Variants in SLC25A33 observed in about 807,000 individuals in gnomAD.
The protein encoded by SLC25A33 is solute carrier family 25 member 33.
SLC25A33 carries 15 observed loss-of-function variants against 35.5 expected under a neutral mutation model. That is an observed-to-expected ratio of 0.42 (90% confidence interval 0.28 to 0.65). The LOEUF (loss-of-function observed/expected upper bound fraction) is 0.65, where lower values mean the gene tolerates loss of function less well. Ranked by LOEUF, SLC25A33 falls within the 30% of genes least tolerant of loss-of-function variation. The probability of loss-of-function intolerance (pLI) is 0.20; values close to 1 mark genes in which losing one functional copy is unlikely to be tolerated. For synonymous variants in SLC25A33, 136 were observed against 148.7 expected (o/e 0.91, Z 0.62); for missense variants, 257 against 398.5 (o/e 0.64, Z 3.02).
chr1:9,578,015 C>T lies in SLC25A33; in HGVS notation c.483-1939C>T, dbSNP rs1019809269. ...TCAGCTCACTGCGAGCTCCGCCTCCCGGGTGCACGCCATTCTCCTGCCTCA... is the reference window on the plus strand; with the variant it reads ...TCAGCTCACTGCGAGCTCCGCCTCCTGGGTGCACGCCATTCTCCTGCCTCA... On this transcript the variant is annotated intron_variant, in intron 5 of 6. Transcript: ENST00000302692. This position sits in a 1 kb window ranked among gnomAD's most constrained non-coding sequence, Gnocchi z 4.3. Among the ~76,000 whole-genome samples, 8 of 152,136 alleles carry T rather than the reference C, an allele frequency of 5.3e-5. No homozygotes were observed. Among genetic ancestry groups the T allele is most frequent in the East Asian group, 3.9e-4 (2 of 5,188 alleles).
chr1:9,546,300 T>G (rs2100369209), intron 1 of SLC25A33, among the ~76,000 whole-genome samples: 1 of 151,040 alleles, frequency 6.6e-6, no homozygotes, highest in East Asian at 2.0e-4. Context: ...TTCTCCTGCT[T>G]CAGCCTCCTG....
chr1:9,580,113 G>A lies in SLC25A33; in HGVS notation c.642G>A (p.Leu214=). Residue 214 remains leucine, a synonymous_variant, in exon 6 of 7, where the codon CTG becomes CTA. Coordinates refer to ENST00000302692, the MANE Select transcript of SLC25A33 (RefSeq NM_032315.3). ...FAIYESLKKY[L]KEAPLASSAN... is the part of the protein sequence containing the mutation. ...TTTATGAAAGTTTAAAGAAGTATCT[G>A]AAAGAAGCTCCATTAGCCTCTTCTG... 2 of 1,612,154 alleles carry A rather than the reference G, an allele frequency of 1.2e-6. No individual in the cohort carries two copies. Among genetic ancestry groups the A allele is most frequent in the South Asian group, 1.1e-5 (1 of 90,954 alleles).
chr1:9,574,118 CTTTTT>C (rs57215050), intron 5 of SLC25A33, among the ~76,000 whole-genome samples: 4 of 134,364 alleles, frequency 3.0e-5, no homozygotes, highest in African/African-American at 1.1e-4. Context: ...CTTTTCTTTT[CTTTTT>C]TTTTTTTTTT....
At chr1:9,547,189 C>G (rs1329341183) in intron 1 of SLC25A33, among the ~76,000 whole-genome samples, 1 of 152,164 alleles carries the variant, frequency 6.6e-6, no homozygotes, top group African/African-American at 2.4e-5. Flanking sequence ...CGCAGTGGCT[C>G]ATGCCTGTAA....
intron 6 of SLC25A33, among the ~76,000 whole-genome samples, chr1:9,580,946 A>ATT (rs937126340): frequency 6.6e-6 from 1 of 151,468 alleles, no homozygotes; most frequent in Admixed American, 6.6e-5. Context: ...GGGTAAGTTT[A>ATT]TTTTTTTGAG....
chr1:9,543,485 G>A (rs1417567886), intron 1 of SLC25A33, among the ~76,000 whole-genome samples: 1 of 152,094 alleles, frequency 6.6e-6, no homozygotes, highest in Non-Finnish European at 1.5e-5. Context: ...TCATCAAGAA[G>A]AACACAGAAG....
At position 9,576,983 on chromosome 1, in the gene SLC25A33, T is replaced by A. The variant is rs879287123; in HGVS notation, c.483-2971T>A. ...AGGAACTGTTCAGCAGGCTGATGAA[T>A]AAGATCTAAGAGTTGTCCCGCTACA... is the stretch of plus-strand genomic sequence containing the variant. On this transcript the variant is annotated intron_variant, in intron 5 of 6. Coordinates refer to ENST00000302692, the MANE Select transcript of SLC25A33 (RefSeq NM_032315.3). 6 of 1,201,928 alleles carry A rather than the reference T, an allele frequency of 5.0e-6. No homozygotes were observed. In the Admixed American group the frequency reaches 8.7e-5, roughly 17 times the overall value. 74.5% of individuals were successfully genotyped at this position (1,201,928 alleles called of 1,614,324 possible).
intron 3 of SLC25A33, 72 bp downstream of exon 3, chr1:9,567,433 G>C: frequency 1.5e-6 from 2 of 1,348,992 alleles, no homozygotes; most frequent in Non-Finnish European, 2.1e-6. Flanking sequence ...ACCAAAGGGT[G>C]ATGCTGCTGA....
In SLC25A33 at chr1:9,543,082, T is replaced by A. The variant is rs568418220; in HGVS notation, c.56+3335T>A. Among the ~76,000 whole-genome samples, 8 of 152,248 alleles carry A rather than the reference T, an allele frequency of 5.3e-5. No homozygotes were observed. The East Asian group carries it at 1.5e-3, about 29-fold the overall frequency. On this transcript the variant is annotated intron_variant, in intron 1 of 6. Coordinates refer to ENST00000302692, the MANE Select transcript of SLC25A33 (RefSeq NM_032315.3). ...ATCCACCTGCCTTGGCCTCCCAAAG[T>A]GCTAGGATTATACAGGTGTGAGCCA...
intron 1 of SLC25A33, among the ~76,000 whole-genome samples, chr1:9,544,338 G>A (rs977410133): frequency 1.3e-5 from 2 of 148,210 alleles, no homozygotes; most frequent in African/African-American, 5.0e-5. Flanking sequence ...GTGACATCTC[G>A]GCTCGCTGCA....
intron 1 of SLC25A33, among the ~76,000 whole-genome samples, chr1:9,540,017 A>G (rs917161773): frequency 1.3e-5 from 2 of 151,842 alleles, no homozygotes; most frequent in African/African-American, 4.8e-5. Context: ...GCTTTTCCCC[A>G]TTCTGAAGAG....
chr1:9,558,137 T>C (rs1323448157), intron 2 of SLC25A33, among the ~76,000 whole-genome samples: 2 of 152,220 alleles, frequency 1.3e-5, no homozygotes, highest in Non-Finnish European at 2.9e-5. Context: ...CCCAAAGTCA[T>C]GTTCAATGTA....
intron 2 of SLC25A33, among the ~76,000 whole-genome samples, chr1:9,556,671 GTGTC>G (rs1643347056): frequency 6.6e-6 from 1 of 151,340 alleles, no homozygotes; most frequent in African/African-American, 2.4e-5. Flanking sequence ...GATTGTGTGT[GTGTC>G]TGTGTCTGTG....
rs561209324 is a variant in SLC25A33, at chr1:9,554,565, G to T, written c.236+760G>T. Among the ~76,000 whole-genome samples, 21 of 151,846 alleles carry T rather than the reference G, an allele frequency of 1.4e-4. No homozygotes were observed. The South Asian group carries it at 4.4e-3, about 32-fold the overall frequency. Reference sequence around the variant, plus strand: ...ATAGAGATGGAGTTTCTCCATGTTGGCCAGGCTGGTCCCAAACTCCCAACC... The same window carrying T: ...ATAGAGATGGAGTTTCTCCATGTTGTCCAGGCTGGTCCCAAACTCCCAACC... On this transcript the variant is annotated intron_variant, in intron 2 of 6. Transcript: ENST00000302692.
chr1:9,553,212 T>TTTTTTTTTTTTTG (rs1643292656), intron 1 of SLC25A33, among the ~76,000 whole-genome samples: 2 of 135,196 alleles, frequency 1.5e-5, no homozygotes, highest in African/African-American at 5.7e-5. Flanking sequence ...TGTTTTTTTT[T>TTTTTTTTTTTTTG]TTTTTTTTTT....
In SLC25A33 at chr1:9,584,461, A is replaced by G. The variant is rs78660120; in HGVS notation, c.*1960A>G. 2 of 152,312 alleles carry G rather than the reference A, an allele frequency of 1.3e-5. No homozygotes were observed. The highest frequency in any genetic ancestry group is 6.5e-5 in the Admixed American group (1 of 15,274). The allele number at this position is 152,312 out of a possible 1,614,324, so 9.4% of individuals were successfully genotyped here. ...CTCTCCCAGGCTGGAGTGCAGTGGCACAATCTCGGCTCACTACAGCCTCCA... is the reference window on the plus strand; with the variant it reads ...CTCTCCCAGGCTGGAGTGCAGTGGCGCAATCTCGGCTCACTACAGCCTCCA... On this transcript the variant is annotated 3_prime_UTR_variant, in exon 7 of 7. Transcript: ENST00000302692.
At chr1:9,555,810 G>A (rs914596084) in intron 2 of SLC25A33, among the ~76,000 whole-genome samples, 5 of 152,180 alleles carry the variant, frequency 3.3e-5, no homozygotes, top group African/African-American at 1.2e-4. Context: ...TCAGCTTCCC[G>A]AGTAGCTGGG....
At chr1:9,573,649 C>T (rs891962726) in intron 5 of SLC25A33, among the ~76,000 whole-genome samples, 3 of 152,128 alleles carry the variant, frequency 2.0e-5, no homozygotes, top group Non-Finnish European at 2.9e-5. Context: ...GGTTGTGTCC[C>T]CTGATCCGCA....
At chr1:9,567,195 C>T in intron 2 of SLC25A33, 89 bp from the exon 3 acceptor site, 5 of 1,079,148 alleles carry the variant, frequency 4.6e-6, no homozygotes, top group Non-Finnish European at 6.9e-6. Context: ...TTTATTCTCT[C>T]AAGGAACTAA....
Sources: gnomAD v4.1 joint callset for allele counts (sites outside exome capture counted in the v4.1 genomes callset) on GRCh38, gnomAD v4.1.1 for gene constraint, Gnocchi (gnomAD v3.1) non-coding constraint, MANE v1.5 for transcripts, NCBI Gene and HGNC (gene_info 2026-07-23, HGNC 2026-07-21) for gene names.